The following MAP3K4 variants were observed in gnomAD, a reference collection of about 807,000 sequenced individuals.
The protein encoded by MAP3K4 is MAP three kinase 1.
Under a neutral mutation model 185.6 loss-of-function variants are expected in MAP3K4, and 67 were observed. The ratio of observed to expected loss-of-function variants is 0.36; its 90% CI spans 0.30 to 0.44. MAP3K4 has a LOEUF of 0.44. Among genes scored for constraint, MAP3K4 ranks in the 20% least tolerant of loss-of-function variants. The probability of loss-of-function intolerance (pLI) is 1.00; values close to 1 mark genes in which losing one functional copy is unlikely to be tolerated. For missense variants in MAP3K4, 1,551 were observed against 1,995.1 expected, an observed-to-expected ratio of 0.78 and a Z score of 4.24; for synonymous variants, 702 against 710.4, an observed-to-expected ratio of 0.99 and a Z score of 0.19.
rs1230513318 is a variant in MAP3K4 at position 161,075,462 on chromosome 6, A to G, written c.2097+1850A>G. On this transcript the variant is annotated intron_variant, in intron 5 of 26. Transcript: ENST00000392142. This position sits in a 1 kb window ranked among gnomAD's most constrained non-coding sequence, Gnocchi z 4.3. Reference sequence around the variant, plus strand: ...ATTAGCCACCACACCTGCCCACTATATATTTCTTATGTCAAAAAAATCTTT... The same window carrying G: ...ATTAGCCACCACACCTGCCCACTATGTATTTCTTATGTCAAAAAAATCTTT... Among the ~76,000 whole-genome samples, 1 of 152,178 alleles carries G rather than the reference A, an allele frequency of 6.6e-6. No homozygotes were observed. Among genetic ancestry groups the G allele is most frequent in the Non-Finnish European group, 1.5e-5 (1 of 68,034 alleles).
chr6:161,065,762 C>T (rs1784678012), intron 3 of MAP3K4, among the ~76,000 whole-genome samples: 1 of 152,056 alleles, frequency 6.6e-6, no homozygotes, highest in African/African-American at 2.4e-5. Flanking sequence ...CACAGTGAAA[C>T]CCCGTCTCTA....
In MAP3K4 at chr6:161,096,461, T is replaced by C. The variant is rs1777577982; in HGVS notation, c.3428-619T>C. Reference sequence around the variant, plus strand: ...TCTAGTTATTGGGAAAGTGGAATTATCAGCATATTTGTAATCACTAGGTAA... The same window carrying C: ...TCTAGTTATTGGGAAAGTGGAATTACCAGCATATTTGTAATCACTAGGTAA... On this transcript the variant is annotated intron_variant, in intron 15 of 26. Transcript: ENST00000392142. The surrounding 1 kb of genome is among the most constrained non-coding windows in gnomAD (Gnocchi z 4.9). Among the ~76,000 whole-genome samples the C allele has an allele frequency of 1.3e-5, 2 of 152,200 alleles. 1 individual carries two copies. Among genetic ancestry groups the C allele is most frequent in the Admixed American group, 1.3e-4 (2 of 15,278 alleles).
chr6:161,000,864 TAC>T (rs1781249438), intron 1 of MAP3K4, among the ~76,000 whole-genome samples: 1 of 149,318 alleles, frequency 6.7e-6, no homozygotes, highest in Non-Finnish European at 1.5e-5. Context: ...TACACATGTG[TAC>T]ACATACATAT....
In MAP3K4 at chr6:161,034,074, A is replaced by G. The variant is rs1284869488; in HGVS notation, c.153-185A>G. 6.6e-6 allele frequency among the ~76,000 whole-genome samples: 1 copy of G among 152,140 alleles called. No homozygotes were observed. The highest frequency in any genetic ancestry group is 1.5e-5 in the Non-Finnish European group (1 of 68,010). On this transcript the variant is annotated intron_variant, in intron 1 of 26. Transcript: ENST00000392142. This position sits in a 1 kb window ranked among gnomAD's most constrained non-coding sequence, Gnocchi z 4.4. ...AGGAGAAGCGGCAGTCACAATTATT[A>G]CTCTCTTCAAGCAAAAGAAAAGTTC...
chr6:161,027,356 A>T (rs766945151), intron 1 of MAP3K4, among the ~76,000 whole-genome samples: 7 of 152,162 alleles, frequency 4.6e-5, no homozygotes, highest in Non-Finnish European at 7.4e-5. Flanking sequence ...ATGAAATGTG[A>T]GTGTGAAAGA....
chr6:161,094,685 A>G lies in MAP3K4; in HGVS notation c.3427+834A>G, dbSNP rs1777492278. On this transcript the variant is annotated intron_variant, in intron 15 of 26. Coordinates refer to ENST00000392142, the MANE Select transcript of MAP3K4 (RefSeq NM_005922.4). ...ACTTGCTGGCTGCAGAAAATTCAGT[A>G]GAATGGGTTTTAATTGTTGGTTTTT... Among the ~76,000 whole-genome samples, 6 of 152,252 alleles carry G rather than the reference A, an allele frequency of 3.9e-5. 1 individual carries two copies. In the South Asian group the frequency reaches 1.2e-3, roughly 32 times the overall value.
At chr6:161,020,212 C>CT (rs1156577237) in intron 1 of MAP3K4, among the ~76,000 whole-genome samples, 1 of 152,162 alleles carries the variant, frequency 6.6e-6, no homozygotes, top group African/African-American at 2.4e-5. Flanking sequence ...GCTTCTTACC[C>CT]TTTTTTGTGT....
At chr6:161,024,653 G>A (rs906600176) in intron 1 of MAP3K4, among the ~76,000 whole-genome samples, 3 of 152,066 alleles carry the variant, frequency 2.0e-5, no homozygotes, top group South Asian at 2.1e-4. Flanking sequence ...TTGAGGTTAC[G>A]GGTTTTTAGG....
Position 161,067,896 on chromosome 6 carries a change from A to G in MAP3K4, c.1708-2712A>G, listed in dbSNP as rs1228359035. On this transcript the variant is annotated intron_variant, in intron 3 of 26. Coordinates refer to ENST00000392142, the MANE Select transcript of MAP3K4 (RefSeq NM_005922.4). The surrounding 1 kb of genome is among the most constrained non-coding windows in gnomAD (Gnocchi z 6.3). ...ACTTTTAAAACTGTAGACCTTGTCA[A>G]TCTGTCACTAACATAATTACTGTTG... 5.3e-5 allele frequency among the ~76,000 whole-genome samples: 8 copies of G among 152,246 alleles called. No individual in the cohort carries two copies. Among genetic ancestry groups the G allele is most frequent in the African/African-American group, 1.4e-4 (6 of 41,460 alleles).
rs1171860186 is a variant in MAP3K4, at chr6:161,076,681, C to T, written c.2097+3069C>T. Among the ~76,000 whole-genome samples, 3 of 152,160 alleles carry T rather than the reference C, an allele frequency of 2.0e-5. No homozygotes were observed. The highest frequency in any genetic ancestry group is 1.9e-4 in the East Asian group (1 of 5,182). ...GGATTGAAAATATGAAAATGATAGGCGAGATGTGGTAGTTGTAGAAGAGAC... is the reference window on the plus strand; with the variant it reads ...GGATTGAAAATATGAAAATGATAGGTGAGATGTGGTAGTTGTAGAAGAGAC... On this transcript the variant is annotated intron_variant, in intron 5 of 26. Coordinates refer to ENST00000392142, the MANE Select transcript of MAP3K4 (RefSeq NM_005922.4). This position sits in a 1 kb window ranked among gnomAD's most constrained non-coding sequence, Gnocchi z 4.2.
At chr6:161,032,007 C>T (rs1782953845) in intron 1 of MAP3K4, among the ~76,000 whole-genome samples, 1 of 152,166 alleles carries the variant, frequency 6.6e-6, no homozygotes, top group African/African-American at 2.4e-5. Flanking sequence ...ACTGACTAAA[C>T]ATTTATGCTA....
In MAP3K4 at chr6:161,093,911, C is replaced by T. The variant is rs1042732940; in HGVS notation, c.3427+60C>T. The T allele has an allele frequency of 7.3e-6, 9 of 1,231,780 alleles. No homozygotes were observed. The African/African-American group carries it at 1.2e-4, about 16-fold the overall frequency. The allele number at this position is 1,231,780 out of a possible 1,614,324, so 76.3% of individuals were successfully genotyped here. ...ATAATGATTTGAGTGGACAGATCCT[C>T]TTGTAATTGCAGTCGTTTAAAATGG... On this transcript the variant is annotated intron_variant, in intron 15 of 26. Coordinates refer to ENST00000392142, the MANE Select transcript of MAP3K4 (RefSeq NM_005922.4). The surrounding 1 kb of genome is among the most constrained non-coding windows in gnomAD (Gnocchi z 5.2).
rs1783846056 is a variant in MAP3K4 at position 161,048,525 on chromosome 6, A to G, written c.344-91A>G. 1 of 817,222 alleles carries G rather than the reference A, an allele frequency of 1.2e-6. No homozygotes were observed. Among genetic ancestry groups the G allele is most frequent in the East Asian group, 2.8e-5 (1 of 36,298 alleles). 50.6% of individuals were successfully genotyped at this position (817,222 alleles called of 1,614,324 possible). A position where few individuals can be genotyped will look rare whatever the true frequency, so the allele number is the denominator to read the frequency against. On this transcript the variant is annotated intron_variant, in intron 2 of 26. Coordinates refer to ENST00000392142, the MANE Select transcript of MAP3K4 (RefSeq NM_005922.4). This position sits in a 1 kb window ranked among gnomAD's most constrained non-coding sequence, Gnocchi z 4.7. ...TTCCATTAGCAGTCTGAAAATATAA[A>G]TATGTGTGAATACCAGTTTTATTGA...
In MAP3K4 at chr6:161,108,873, A is replaced by G; in HGVS notation, c.4236+14A>G. The G allele has an allele frequency of 6.2e-7, 1 of 1,602,418 alleles. No individual in the cohort carries two copies. Among genetic ancestry groups the G allele is most frequent in the Non-Finnish European group, 8.6e-7 (1 of 1,169,312 alleles). ...GAGCTCCATAGAGTAAGCCGACCCT[A>G]ATGCCACTCTTTGTGTGAGGAATCA... is the stretch of plus-strand genomic sequence containing the variant. On this transcript the variant is annotated intron_variant, in intron 22 of 26. Coordinates refer to ENST00000392142, the MANE Select transcript of MAP3K4 (RefSeq NM_005922.4). The surrounding 1 kb of genome is among the most constrained non-coding windows in gnomAD (Gnocchi z 5.7).
chr6:161,067,101 C>A lies in MAP3K4; in HGVS notation c.1708-3507C>A. 5.7e-6 allele frequency: 1 copy of A among 174,070 alleles called. No homozygotes were observed. The highest frequency in any genetic ancestry group is 6.1e-5 in the Admixed American group (1 of 16,326). The allele number at this position is 174,070 out of a possible 1,614,324, so 10.8% of individuals were successfully genotyped here. ...TGTTAATTTAGAAAGTTTGTTTTGCCAAGGTCAAGGATGTGTGCGCCTGTG... is the reference window on the plus strand; with the variant it reads ...TGTTAATTTAGAAAGTTTGTTTTGCAAAGGTCAAGGATGTGTGCGCCTGTG... On this transcript the variant is annotated intron_variant, in intron 3 of 26. Coordinates refer to ENST00000392142, the MANE Select transcript of MAP3K4 (RefSeq NM_005922.4). This position sits in a 1 kb window ranked among gnomAD's most constrained non-coding sequence, Gnocchi z 6.3.
intron 2 of MAP3K4, among the ~76,000 whole-genome samples, chr6:161,035,976 C>T (rs970480119): frequency 3.9e-5 from 6 of 152,200 alleles, no homozygotes; most frequent in African/African-American, 7.2e-5. Flanking sequence ...ATTTGTACCA[C>T]TAGTTCTCCT....
Position 161,091,302 on chromosome 6 carries a change from C to T in MAP3K4, c.2974-77C>T, listed in dbSNP as rs539741770. 2.2e-5 allele frequency: 28 copies of T among 1,275,596 alleles called. No homozygotes were observed. The highest frequency in any genetic ancestry group is 7.5e-5 in the African/African-American group (5 of 66,366). 79.0% of individuals were successfully genotyped at this position (1,275,596 alleles called of 1,614,324 possible). On this transcript the variant is annotated intron_variant, in intron 11 of 26. Transcript: ENST00000392142. This position sits in a 1 kb window ranked among gnomAD's most constrained non-coding sequence, Gnocchi z 5.5. ...TGGTTAATGTCTGTGTGATGATGAA[C>T]GAAATCTTCCTTTAAAATGTGGTAA...
intron 19 of MAP3K4, among the ~76,000 whole-genome samples, chr6:161,104,415 C>CA (rs869113836): frequency 0.076 from 4,445 of 58,172 alleles, 117 homozygotes; most frequent in African/African-American, 0.11. Context: ...ACTCCGTTTC[C>CA]AAAAAAAAAA....
Position 161,101,955 on chromosome 6 carries a change from C to T in MAP3K4, c.3738C>T (p.Ser1246=). ...ASIAAELQFR[S]LSRHSSPTEE... is the part of the protein sequence containing the mutation. ...TAGCTGCTGAATTGCAGTTTAGGTC[C>T]CTGAGTCGTCACTCAAGCCCCACGG... is the stretch of plus-strand genomic sequence containing the variant. The change falls in exon 18 of 27, where the codon TCC becomes TCT. Residue 1246 remains serine (S), a synonymous_variant. Transcript: ENST00000392142. This position sits in a 1 kb window ranked among gnomAD's most constrained non-coding sequence, Gnocchi z 5.1. 1 of 1,614,076 alleles carries T rather than the reference C, an allele frequency of 6.2e-7. No homozygotes were observed. The highest frequency in any genetic ancestry group is 1.1e-5 in the South Asian group (1 of 91,068).
Sources: gnomAD v4.1 joint callset for allele counts (sites outside exome capture counted in the v4.1 genomes callset) on GRCh38, gnomAD v4.1.1 for gene constraint, Gnocchi (gnomAD v3.1) non-coding constraint, MANE v1.5 for transcripts, NCBI Gene and HGNC (gene_info 2026-07-23, HGNC 2026-07-21) for gene names.